Variants in CTDP1 observed in about 807,000 individuals in gnomAD.
The protein encoded by CTDP1 is CTD phosphatase 1.
Under a neutral mutation model 91.8 loss-of-function variants are expected in CTDP1, and 47 were observed. That is an observed-to-expected ratio of 0.51 (90% CI 0.41 to 0.65). CTDP1 has a LOEUF of 0.65. Ranked by LOEUF, CTDP1 falls within the 30% of genes least tolerant of loss-of-function variation. The pLI, the probability that CTDP1 is intolerant of heterozygous loss-of-function variation, is 0.00. For synonymous variants in CTDP1, 656 were observed against 598.5 expected (o/e 1.10, Z -1.40); for missense variants, 1,272 against 1,373.7 (o/e 0.93, Z 1.17).
chr18:79,736,618 C>T, intron 12 of CTDP1, 97 bp downstream of exon 12: 1 of 1,240,098 alleles, frequency 8.1e-7, no homozygotes, highest in Non-Finnish European at 1.1e-6. Context: ...TTCTTCACGC[C>T]CTCCACCATT....
chr18:79,713,186 T>G lies in CTDP1; in HGVS notation c.1030+48T>G. The G allele has an allele frequency of 5.1e-6, 8 of 1,564,584 alleles. No individual in the cohort carries two copies. Among genetic ancestry groups the G allele is most frequent in the Non-Finnish European group, 7.0e-6 (8 of 1,141,148 alleles). ...CTCTAGAAGAATTCACATTTGCTTA[T>G]TGTTTAGCTCTTCTTATTTCTTATC... On this transcript the variant is annotated intron_variant, in intron 7 of 12. Transcript: ENST00000613122. This position sits in a 1 kb window ranked among gnomAD's most constrained non-coding sequence, Gnocchi z 4.7.
chr18:79,702,370 A>G (rs2085877976), intron 4 of CTDP1, among the ~76,000 whole-genome samples: 1 of 152,070 alleles, frequency 6.6e-6, no homozygotes, highest in Non-Finnish European at 1.5e-5. Flanking sequence ...ATTATTTTTT[A>G]TTTTTTATTT....
At chr18:79,685,183 A>C (rs2085468687) in intron 1 of CTDP1, 1 of 152,252 alleles carries the variant, frequency 6.6e-6, no homozygotes, top group Admixed American at 6.5e-5. Context: ...TCAGCCCTGG[A>C]GATTCCTAGT....
intron 4 of CTDP1, among the ~76,000 whole-genome samples, chr18:79,701,772 T>A (rs1382069199): frequency 6.6e-6 from 1 of 152,100 alleles, no homozygotes; most frequent in Non-Finnish European, 1.5e-5. Flanking sequence ...CAACCCTCAG[T>A]TCGGAAGATG....
chr18:79,717,002 G>C (rs1400964801), intron 8 of CTDP1, among the ~76,000 whole-genome samples: 1 of 150,704 alleles, frequency 6.6e-6, no homozygotes, highest in East Asian at 2.0e-4. Flanking sequence ...GTGCAGCCGA[G>C]TGAGGGCCCT....
intron 12 of CTDP1, among the ~76,000 whole-genome samples, chr18:79,752,128 C>T (rs2087014772): frequency 6.6e-6 from 1 of 152,256 alleles, no homozygotes; most frequent in African/African-American, 2.4e-5. Flanking sequence ...TGGGTGTGCC[C>T]CGATCAAGTC....
At chr18:79,677,946 C>T (rs536515641), upstream of CTDP1, 5 of 152,284 alleles carry the variant, frequency 3.3e-5, no homozygotes, top group South Asian at 1.0e-3. Context: ...AGCCATTTTC[C>T]CACAATCCCC....
intron 1 of CTDP1, among the ~76,000 whole-genome samples, chr18:79,693,147 G>A (rs1310424360): frequency 6.6e-6 from 1 of 152,256 alleles, no homozygotes; most frequent in Non-Finnish European, 1.5e-5. Flanking sequence ...GCCTCAGCAA[G>A]CAGGGAGCAG....
rs79537603 is a variant in CTDP1 at position 79,701,721 on chromosome 18, A to G, written c.622-3046A>G. Among the ~76,000 whole-genome samples the G allele has an allele frequency of 4.2e-3, 633 of 152,300 alleles. 4 individuals are homozygous for G. The highest frequency in any genetic ancestry group is 6.8e-3 in the Non-Finnish European group (465 of 68,024). On this transcript the variant is annotated intron_variant, in intron 4 of 12. Coordinates refer to ENST00000613122, the MANE Select transcript of CTDP1 (RefSeq NM_004715.5). ...CATTTGTGATTCATGGGAAGAGGTC[A>G]GAGTATCTGCATCAACCAGGAGTTG...
At chr18:79,742,723 C>T (rs935825175) in intron 12 of CTDP1, among the ~76,000 whole-genome samples, 4 of 152,142 alleles carry the variant, frequency 2.6e-5, no homozygotes, top group African/African-American at 4.8e-5. Flanking sequence ...TTTAGGATGC[C>T]GAGGTGGGCA....
chr18:79,710,531 CT>C (rs927784655), intron 6 of CTDP1, 95 bp downstream of exon 6: 393 of 1,013,274 alleles, frequency 3.9e-4, no homozygotes, highest in Middle Eastern at 6.3e-4. Flanking sequence ...TTCTTTTTTT[CT>C]TTTTTTTTGA....
intron 1 of CTDP1, among the ~76,000 whole-genome samples, chr18:79,685,808 C>T (rs1214749327): frequency 2.6e-5 from 4 of 152,140 alleles, no homozygotes; most frequent in Non-Finnish European, 4.4e-5. Context: ...AAGGACATTT[C>T]GTTTTCATCC....
intron 12 of CTDP1, among the ~76,000 whole-genome samples, chr18:79,737,481 ACAT>A (rs1200570778): frequency 2.6e-5 from 4 of 152,138 alleles, no homozygotes; most frequent in Non-Finnish European, 5.9e-5. Context: ...GCAGTTTCTG[ACAT>A]CATCTTTCTC....
intron 6 of CTDP1, 148 bp from the exon 7 acceptor site, chr18:79,712,824 A>C: frequency 1.3e-6 from 1 of 757,200 alleles, no homozygotes; most frequent in Non-Finnish European, 2.2e-6. Flanking sequence ...CCAAACAGAA[A>C]GGGCTTCGGG....
chr18:79,704,372 G>A (rs1050336913), intron 4 of CTDP1, among the ~76,000 whole-genome samples: 2 of 151,768 alleles, frequency 1.3e-5, no homozygotes, highest in Non-Finnish European at 2.9e-5. Context: ...GTGTCCACAC[G>A]CATGTCCTCT....
rs186237241 is a variant in CTDP1 at position 79,690,977 on chromosome 18, C to T, written c.315-4248C>T. 3.4e-3 allele frequency among the ~76,000 whole-genome samples: 515 copies of T among 152,346 alleles called. 1 individual carries two copies. The highest frequency in any genetic ancestry group is 0.011 in the African/African-American group (452 of 41,580). On this transcript the variant is annotated intron_variant, in intron 1 of 12. Coordinates refer to ENST00000613122, the MANE Select transcript of CTDP1 (RefSeq NM_004715.5). ...CGGAGTGCTGCCTGCGTGCACTGGG[C>T]GCAGGTGCCCTTGGCGTCAGGAGCC...
At chr18:79,697,382 G>A (rs1438068593) in intron 3 of CTDP1, among the ~76,000 whole-genome samples, 2 of 152,212 alleles carry the variant, frequency 1.3e-5, no homozygotes, top group Non-Finnish European at 2.9e-5. Flanking sequence ...GGGACACCCC[G>A]ATGCGCTGTT....
intron 5 of CTDP1, among the ~76,000 whole-genome samples, chr18:79,707,478 A>G (rs2085990591): frequency 6.6e-6 from 1 of 152,214 alleles, no homozygotes; most frequent in East Asian, 1.9e-4. Flanking sequence ...CTGCAGTGAG[A>G]CCAGCTAGGT....
At chr18:79,681,239 T>C (rs1315327581) in intron 1 of CTDP1, among the ~76,000 whole-genome samples, 4 of 152,226 alleles carry the variant, frequency 2.6e-5, no homozygotes, top group Non-Finnish European at 5.9e-5. Flanking sequence ...CTGGCTCCGC[T>C]TCCTTTGGAG....
Sources: gnomAD v4.1 joint callset for allele counts (sites outside exome capture counted in the v4.1 genomes callset) on GRCh38, gnomAD v4.1.1 for gene constraint, Gnocchi (gnomAD v3.1) non-coding constraint, MANE v1.5 for transcripts, NCBI Gene and HGNC (gene_info 2026-07-23, HGNC 2026-07-21) for gene names.